Variants in FAT3 observed in about 807,000 individuals in gnomAD.
FAT3 encodes the protein protocadherin Fat 3.
FAT3 carries 95 observed loss-of-function variants against 310.2 expected under a neutral mutation model. The ratio of observed to expected loss-of-function variants is 0.31; its 90% confidence interval spans 0.26 to 0.36. The LOEUF (loss-of-function observed/expected upper bound fraction) is 0.36. Among genes scored for constraint, FAT3 ranks in the 10% least tolerant of loss-of-function variants. FAT3 has a pLI of 1.00. For missense variants in FAT3, 5,408 were observed against 5,715.6 expected (o/e 0.95, Z 1.74); for synonymous variants, 2,314 against 2,192.9 (o/e 1.06, Z -1.54).
At chr11:92,624,084 G>C (rs1291301678) in intron 3 of FAT3, among the ~76,000 whole-genome samples, 1 of 152,156 alleles carries the variant, frequency 6.6e-6, no homozygotes, top group Non-Finnish European at 1.5e-5. Flanking sequence ...AGGGAACTCA[G>C]AGGCAAAAAG....
At chr11:92,874,002 A>T (rs1949460030) in intron 22 of FAT3, among the ~76,000 whole-genome samples, 2 of 152,312 alleles carry the variant, frequency 1.3e-5, no homozygotes, top group South Asian at 2.1e-4. Context: ...AACAATACTT[A>T]TGGCATAGGG....
chr11:92,267,164 A>C (rs1435200680), intron 1 of FAT3, among the ~76,000 whole-genome samples: 1 of 152,148 alleles, frequency 6.6e-6, no homozygotes, highest in Non-Finnish European at 1.5e-5. Context: ...TTTGGCATTC[A>C]TGACTTTATC....
intron 1 of FAT3, among the ~76,000 whole-genome samples, chr11:92,335,744 G>A (rs1230608548): frequency 6.6e-6 from 1 of 152,068 alleles, no homozygotes; most frequent in Non-Finnish European, 1.5e-5. Context: ...TAGGATCAAG[G>A]GGACACTGTG....
At chr11:92,334,500 A>G (rs889267892) in intron 1 of FAT3, among the ~76,000 whole-genome samples, 1 of 152,058 alleles carries the variant, frequency 6.6e-6, no homozygotes, top group African/African-American at 2.4e-5. Context: ...TTCCACTTCT[A>G]TCAGGATCCA....
chr11:92,525,543 C>A (rs904453481), intron 3 of FAT3, among the ~76,000 whole-genome samples: 1 of 152,212 alleles, frequency 6.6e-6, no homozygotes, highest in East Asian at 1.9e-4. Context: ...TAAGAAAGGT[C>A]TAAGGATCGG....
intron 4 of FAT3, among the ~76,000 whole-genome samples, chr11:92,718,377 G>C (rs963843909): frequency 1.3e-5 from 2 of 152,124 alleles, no homozygotes; most frequent in African/African-American, 4.8e-5. Flanking sequence ...GTGGGTGGGG[G>C]TAGGACTAGG....
chr11:92,468,345 A>G (rs556757980), intron 2 of FAT3, among the ~76,000 whole-genome samples: 1 of 152,346 alleles, frequency 6.6e-6, no homozygotes, highest in East Asian at 1.9e-4. Context: ...AATGCATCAA[A>G]TTGGAATATG....
intron 2 of FAT3, among the ~76,000 whole-genome samples, chr11:92,375,969 C>T (rs752572742): frequency 1.1e-4 from 17 of 152,178 alleles, no homozygotes; most frequent in Non-Finnish European, 2.4e-4. Flanking sequence ...CACTTCTTTT[C>T]CCAAAGTGTT....
At chr11:92,817,685 G>A (rs1454905042) in intron 13 of FAT3, among the ~76,000 whole-genome samples, 1 of 152,224 alleles carries the variant, frequency 6.6e-6, no homozygotes, top group Non-Finnish European at 1.5e-5. Context: ...CTGGCCCAGG[G>A]TCATGGGGCA....
intron 3 of FAT3, among the ~76,000 whole-genome samples, chr11:92,622,777 A>T (rs1402110649): frequency 2.0e-5 from 3 of 152,176 alleles, no homozygotes; most frequent in Admixed American, 2.0e-4. Flanking sequence ...TTCTTCGTAA[A>T]GCCCCAAAAG....
Position 92,857,352 on chromosome 11 carries a change from C to T in FAT3, c.11500+4C>T, listed in dbSNP as rs1464127571. On this transcript the variant is annotated splice_donor_region_variant and intron_variant, in intron 20 of 27. Coordinates refer to ENST00000525166, the MANE Select transcript of FAT3 (RefSeq NM_001367949.2). ...GGGAAGCTCGGAGAGTGCTCAGGTGCAGAGTGGAGTGGAATGATGCAGATC... is the reference window on the plus strand; with the variant it reads ...GGGAAGCTCGGAGAGTGCTCAGGTGTAGAGTGGAGTGGAATGATGCAGATC... 2 of 1,613,802 alleles carry T rather than the reference C, an allele frequency of 1.2e-6. No individual in the cohort carries two copies. Among genetic ancestry groups the T allele is most frequent in the Non-Finnish European group, 1.7e-6 (2 of 1,179,876 alleles).
intron 2 of FAT3, among the ~76,000 whole-genome samples, chr11:92,383,220 T>G (rs192228062): frequency 6.2e-4 from 95 of 152,378 alleles, no homozygotes; most frequent in African/African-American, 2.1e-3. Flanking sequence ...TACCACATTT[T>G]CTTTATCCAG....
chr11:92,462,388 G>A (rs1054512272), intron 2 of FAT3, among the ~76,000 whole-genome samples: 1 of 152,038 alleles, frequency 6.6e-6, no homozygotes, highest in Non-Finnish European at 1.5e-5. Flanking sequence ...TGTACTCGCT[G>A]TTTTGCTCCC....
At chr11:92,865,818 A>G (rs891589608) in intron 21 of FAT3, among the ~76,000 whole-genome samples, 1 of 152,236 alleles carries the variant, frequency 6.6e-6, no homozygotes, top group African/African-American at 2.4e-5. Flanking sequence ...CCTCCATAGC[A>G]CATGCTTTCT....
chr11:92,798,766 T>C lies in FAT3; in HGVS notation c.5753T>C (p.Leu1918Pro). The C allele has an allele frequency of 6.2e-7, 1 of 1,613,880 alleles. No individual in the cohort carries two copies. The highest frequency in any genetic ancestry group is 8.5e-7 in the Non-Finnish European group (1 of 1,179,854). The change falls in exon 10 of 28, where the codon CTG (leucine) becomes CCG (proline). Residue 1918 changes from leucine to proline, a missense_variant. This residue lies in a region of FAT3 where 4,588 missense variants were observed against 4,809.8 expected (regional missense o/e 0.95). Transcript: ENST00000525166. ...TDPDSEVPPELTYSLMEGSLD... is the reference protein window; with the variant it reads ...TDPDSEVPPEPTYSLMEGSLD... Reference sequence around the variant, plus strand: ...CCTGACTCTGAGGTACCCCCTGAACTGACATACAGCCTAATGGAAGGCAGT... The same window carrying C: ...CCTGACTCTGAGGTACCCCCTGAACCGACATACAGCCTAATGGAAGGCAGT...
intron 2 of FAT3, among the ~76,000 whole-genome samples, chr11:92,475,627 T>G (rs957580543): frequency 4.6e-5 from 7 of 152,014 alleles, no homozygotes; most frequent in African/African-American, 7.2e-5. Context: ...ATTACTTGTT[T>G]ACCAGAGGAA....
chr11:92,433,020 CTTTA>C (rs1311860493), intron 2 of FAT3, among the ~76,000 whole-genome samples: 1 of 152,194 alleles, frequency 6.6e-6, no homozygotes, highest in East Asian at 1.9e-4. Flanking sequence ...TTTGCAGCAG[CTTTA>C]TTTACACCGT....
At chr11:92,254,462 G>C (rs959771181) in intron 1 of FAT3, among the ~76,000 whole-genome samples, 96 of 152,284 alleles carry the variant, frequency 6.3e-4, no homozygotes, top group African/African-American at 2.3e-3. Flanking sequence ...TTAAGATCCT[G>C]CTGGCTGGAA....
intron 3 of FAT3, among the ~76,000 whole-genome samples, chr11:92,603,529 G>A (rs1254351001): frequency 6.6e-6 from 1 of 152,128 alleles, no homozygotes; most frequent in Non-Finnish European, 1.5e-5. Context: ...TCACAATTTC[G>A]ATTTTGAAAT....
Sources: allele counts gnomAD v4.1 joint callset (sites outside exome capture counted in the v4.1 genomes callset), GRCh38; gene constraint gnomAD v4.1.1; regional missense constraint gnomAD v4.1.1; transcripts MANE v1.5; gene names NCBI Gene and HGNC (gene_info 2026-07-23, HGNC 2026-07-21).